AGTPBP1: variants seen among roughly 807,000 people sequenced by gnomAD.
AGTPBP1 encodes the protein ATP/GTP binding carboxypeptidase 1.
Under a neutral mutation model 143.9 loss-of-function variants are expected in AGTPBP1, and 70 were observed. The ratio of observed to expected loss-of-function variants is 0.49; its 90% CI spans 0.40 to 0.59. The LOEUF (loss-of-function observed/expected upper bound fraction) is 0.59. Ranked by LOEUF, AGTPBP1 falls within the 20% of genes least tolerant of loss-of-function variation. The pLI is 0.00. For missense variants in AGTPBP1, 1,229 were observed against 1,464.5 expected, an observed-to-expected ratio of 0.84 and a Z score of 2.62; for synonymous variants, 463 against 500.2, an observed-to-expected ratio of 0.93 and a Z score of 0.99.
chr9:85,655,430 T>G, intron 10 of AGTPBP1, 110 bp from the exon 11 acceptor site: 1 of 901,976 alleles, frequency 1.1e-6, no homozygotes, highest in South Asian at 2.1e-5. Flanking sequence ...GAAACAAATA[T>G]CTCAAAAACC....
the AGTPBP1 span, among the ~76,000 whole-genome samples, chr9:85,767,185 T>C: frequency 1.4e-5 from 2 of 140,352 alleles, no homozygotes; most frequent in East Asian, 2.0e-4. Flanking sequence ...ACATACTTTT[T>C]TTTTTTTTTT....
the AGTPBP1 span, among the ~76,000 whole-genome samples, chr9:85,767,814 A>C: frequency 6.6e-6 from 1 of 152,188 alleles, no homozygotes; most frequent in African/African-American, 2.4e-5. Context: ...AAATCTCTGC[A>C]GTGCTTGCTC....
the AGTPBP1 span, among the ~76,000 whole-genome samples, chr9:85,802,980 G>A: frequency 6.6e-6 from 1 of 152,252 alleles, no homozygotes; most frequent in African/African-American, 2.4e-5. Context: ...AGCAGTCTGT[G>A]TTTTCAGGGA....
At chr9:85,744,744 G>T (rs2134907218), upstream of AGTPBP1, among the ~76,000 whole-genome samples, 1 of 152,328 alleles carries the variant, frequency 6.6e-6, no homozygotes. Flanking sequence ...CTGTAGGCAT[G>T]TTTAGGCAAG....
intron 2 of AGTPBP1, among the ~76,000 whole-genome samples, chr9:85,694,424 C>A (rs563793354): frequency 6.6e-6 from 1 of 152,308 alleles, no homozygotes; most frequent in South Asian, 2.1e-4. Flanking sequence ...CATTTCCCCA[C>A]AGACTGTTCA....
chr9:85,589,947 CAT>C (rs1564038196), intron 19 of AGTPBP1, among the ~76,000 whole-genome samples: 1 of 152,070 alleles, frequency 6.6e-6, no homozygotes, highest in African/African-American at 2.4e-5. Context: ...TGCAGCAAAA[CAT>C]ATGAAGAATC....
intron 25 of AGTPBP1, among the ~76,000 whole-genome samples, chr9:85,561,605 C>T (rs963488739): frequency 1.3e-5 from 2 of 151,680 alleles, no homozygotes; most frequent in African/African-American, 4.8e-5. Context: ...GAAAAATGAT[C>T]TCAGATAAAA....
At chr9:85,597,957 A>G (rs1829406117) in intron 17 of AGTPBP1, among the ~76,000 whole-genome samples, 1 of 152,206 alleles carries the variant, frequency 6.6e-6, no homozygotes, top group Admixed American at 6.5e-5. Context: ...TGGTAAGATT[A>G]TACTAGCTTC....
At chr9:85,601,210 T>C (rs1829646641) in intron 17 of AGTPBP1, among the ~76,000 whole-genome samples, 1 of 152,170 alleles carries the variant, frequency 6.6e-6, no homozygotes, top group Admixed American at 6.5e-5. Context: ...TGAGGTGCAT[T>C]TGCAAGCGCC....
chr9:85,667,152 T>A (rs889067612), intron 8 of AGTPBP1, among the ~76,000 whole-genome samples: 1 of 152,168 alleles, frequency 6.6e-6, no homozygotes, highest in Non-Finnish European at 1.5e-5. Flanking sequence ...CTGATTGTGA[T>A]ACAAACATTT....
At chr9:85,579,145 T>G in intron 23 of AGTPBP1, 49 bp from the exon 24 acceptor site, 1 of 1,515,686 alleles carries the variant, frequency 6.6e-7, no homozygotes, top group South Asian at 1.3e-5. Flanking sequence ...GTTTTTAATT[T>G]TAAATGTTTT....
intron 14 of AGTPBP1, among the ~76,000 whole-genome samples, chr9:85,631,152 A>G (rs945019968): frequency 6.6e-6 from 1 of 152,164 alleles, no homozygotes; most frequent in Non-Finnish European, 1.5e-5. Context: ...TTGTTGTTAC[A>G]TTGTACCCTG....
At chr9:85,746,780 A>G (rs932841679), upstream of AGTPBP1, among the ~76,000 whole-genome samples, 2 of 152,174 alleles carry the variant, frequency 1.3e-5, no homozygotes, top group African/African-American at 4.8e-5. Flanking sequence ...AATGCTAACT[A>G]TGTGAAGAGA....
intron 17 of AGTPBP1, among the ~76,000 whole-genome samples, chr9:85,612,560 C>T (rs1004708874): frequency 6.6e-6 from 1 of 152,136 alleles, no homozygotes; most frequent in Non-Finnish European, 1.5e-5. Context: ...TTCCCTGAGT[C>T]CTGTGAGCTG....
chr9:85,748,952 G>A, the AGTPBP1 span, among the ~76,000 whole-genome samples: 1 of 148,888 alleles, frequency 6.7e-6, no homozygotes, highest in Non-Finnish European at 1.5e-5. Flanking sequence ...CTGCTGAAAT[G>A]CAACTCTGCT....
intron 2 of AGTPBP1, among the ~76,000 whole-genome samples, chr9:85,705,182 CAAG>C (rs1159585912): frequency 1.3e-5 from 2 of 149,132 alleles, no homozygotes; most frequent in East Asian, 4.0e-4. Flanking sequence ...GCTACATACC[CAAG>C]AAGCTCAATA....
chr9:85,636,816 A>C (rs1832087730), intron 13 of AGTPBP1, among the ~76,000 whole-genome samples: 1 of 152,158 alleles, frequency 6.6e-6, no homozygotes, highest in Non-Finnish European at 1.5e-5. Flanking sequence ...AAAACAACTC[A>C]CAGAATCCAA....
At chr9:85,548,025 A>C (rs1285762887) in intron 25 of AGTPBP1, among the ~76,000 whole-genome samples, 2 of 152,192 alleles carry the variant, frequency 1.3e-5, no homozygotes, top group Admixed American at 1.3e-4. Context: ...ACCCCCCCAC[A>C]CAAAATATCA....
chr9:85,741,990 C>T, upstream of AGTPBP1: 1 of 1,220,430 alleles, frequency 8.2e-7, no homozygotes. Context: ...CGGCGCCCCG[C>T]CCACCGCACG....
Sources: allele counts gnomAD v4.1 joint callset (sites outside exome capture counted in the v4.1 genomes callset), GRCh38; gene constraint gnomAD v4.1.1; transcripts MANE v1.5; gene names NCBI Gene and HGNC (gene_info 2026-07-23, HGNC 2026-07-21).